AHR: variants seen among roughly 807,000 people sequenced by gnomAD.
AHR encodes aryl hydrocarbon receptor, also known as AH-receptor.
A neutral mutation model predicts 86.8 loss-of-function variants in AHR; 40 were observed. The ratio of observed to expected loss-of-function variants is 0.46; its 90% CI spans 0.36 to 0.60. AHR has a LOEUF of 0.60. Ranked by LOEUF, AHR falls within the 20% of genes least tolerant of loss-of-function variation. The pLI, the probability that AHR is intolerant of heterozygous loss-of-function variation, is 0.00. For missense variants in AHR, 1,001 were observed against 1,011.6 expected (o/e 0.99, Z 0.14); for synonymous variants, 398 against 354.9 (o/e 1.12, Z -1.37).
At chr7:17,328,941 A>G (rs1243923451) in intron 4 of AHR, among the ~76,000 whole-genome samples, 1 of 151,922 alleles carries the variant, frequency 6.6e-6, no homozygotes, top group Non-Finnish European at 1.5e-5. Context: ...TTGCATTCTA[A>G]AGAAAATACA....
intron 1 of AHR, 134 bp from the exon 2 acceptor site, chr7:17,309,802 A>G: frequency 1.3e-5 from 9 of 697,846 alleles, no homozygotes; most frequent in African/African-American, 1.8e-5. Flanking sequence ...TTTTAGAAAG[A>G]CTTACGTAAA....
At position 17,322,711 on chromosome 7, in the gene AHR, T is replaced by C; in HGVS notation, c.360+104T>C. On this transcript the variant is annotated intron_variant, in intron 3 of 10. Coordinates refer to ENST00000242057, the MANE Select transcript of AHR (RefSeq NM_001621.5). ...CCCTGTTTACTTAGGATTTGCTCAA[T>C]GTTTTTTGCCACTTTCATCTGAACT... 3 of 805,234 alleles carry C rather than the reference T, an allele frequency of 3.7e-6. No individual in the cohort carries two copies. The South Asian group carries it at 5.4e-5, about 14-fold the overall frequency. 49.9% of individuals were successfully genotyped at this position (805,234 alleles called of 1,614,324 possible).
chr7:17,339,579 T>C lies in AHR; in HGVS notation c.1754T>C (p.Val585Ala). 1 of 1,614,152 alleles carries C rather than the reference T, an allele frequency of 6.2e-7. No individual in the cohort carries two copies. Among genetic ancestry groups the C allele is most frequent in the South Asian group, 1.1e-5 (1 of 91,084 alleles). ...IDLTDEILTY[V>A]QDSLSKSPFI... ...TTAACGGATGAAATCCTGACGTATG[T>C]CCAAGATTCTTTAAGTAAGTCTCCC... The change falls in exon 10 of 11, where the codon GTC becomes GCC. Residue 585 changes from valine (V) to alanine (A), a missense_variant. By Grantham distance (64) the Val-to-Ala change is moderately conservative. Coordinates refer to ENST00000242057, the MANE Select transcript of AHR (RefSeq NM_001621.5).
At chr7:17,327,933 T>A in intron 4 of AHR, 85 bp downstream of exon 4, 1 of 451,926 alleles carries the variant, frequency 2.2e-6, no homozygotes, top group Non-Finnish European at 3.4e-6. Flanking sequence ...CATTTGTATG[T>A]ATAAAGTATC....
rs1347868515 is a variant in AHR at position 17,330,901 on chromosome 7, T to G, written c.705+15T>G. 3.1e-6 allele frequency: 5 copies of G among 1,609,094 alleles called. No homozygotes were observed. The Admixed American group carries it at 8.4e-5, about 27-fold the overall frequency. ...CTGGTTTTCTGGTAAGGTACAAAAT[T>G]TTATGATACTGGCTTTTACTATTGT... On this transcript the variant is annotated intron_variant, in intron 6 of 10. Transcript: ENST00000242057.
At chr7:17,336,749 T>A (rs1195065044) in intron 9 of AHR, among the ~76,000 whole-genome samples, 1 of 152,156 alleles carries the variant, frequency 6.6e-6, no homozygotes, top group Non-Finnish European at 1.5e-5. Context: ...AGTGCATGGG[T>A]ATGTGTGTAC....
chr7:17,308,502 A>G (rs1438487167), intron 1 of AHR, among the ~76,000 whole-genome samples: 4 of 152,200 alleles, frequency 2.6e-5, no homozygotes, highest in Non-Finnish European at 5.9e-5. Context: ...GAATTACACA[A>G]TGAGGTAGAC....
chr7:17,338,694 A>T lies in AHR; in HGVS notation c.1161-292A>T, dbSNP rs1266011703. Among the ~76,000 whole-genome samples, 6 of 152,180 alleles carry T rather than the reference A, an allele frequency of 3.9e-5. No homozygotes were observed. The South Asian group carries it at 1.2e-3, about 32-fold the overall frequency. On this transcript the variant is annotated intron_variant, in intron 9 of 10. Transcript: ENST00000242057. ...AGTCTGTTTTTATGTGTAGATATTT[A>T]TTCCACACAAATTTATTATTTTTTT...
At chr7:17,321,213 C>T (rs1782168828) in intron 2 of AHR, among the ~76,000 whole-genome samples, 1 of 152,026 alleles carries the variant, frequency 6.6e-6, no homozygotes, top group Non-Finnish European at 1.5e-5. Context: ...AAAGATTATG[C>T]TTTATAACCA....
chr7:17,324,801 G>GA (rs71816868), intron 3 of AHR, among the ~76,000 whole-genome samples: 2,394 of 138,608 alleles, frequency 0.017, 55 homozygotes, highest in Middle Eastern at 0.059. Flanking sequence ...GACTCCATCT[G>GA]AAAAAAAAAA....
chr7:17,318,320 G>A (rs111834612), intron 2 of AHR, among the ~76,000 whole-genome samples: 10 of 152,164 alleles, frequency 6.6e-5, no homozygotes, highest in South Asian at 4.1e-4. Context: ...GGAAAGTACC[G>A]TATTAGGAAA....
Position 17,343,380 on chromosome 7 carries a change from A to G in AHR, c.*316A>G, listed in dbSNP as rs572307999. On this transcript the variant is annotated 3_prime_UTR_variant, in exon 11 of 11. Transcript: ENST00000242057. Reference sequence around the variant, plus strand: ...ATCAGGGAAACTAAGATTCTTTTAAATTAGAAAATATTCTCTATTTGAATT... The same window carrying G: ...ATCAGGGAAACTAAGATTCTTTTAAGTTAGAAAATATTCTCTATTTGAATT... The G allele has an allele frequency of 3.9e-6, 1 of 255,846 alleles. No individual in the cohort carries two copies. Among genetic ancestry groups the G allele is most frequent in the Admixed American group, 5.7e-5 (1 of 17,554 alleles). 15.8% of individuals were successfully genotyped at this position (255,846 alleles called of 1,614,324 possible). A position where few individuals can be genotyped will look rare whatever the true frequency, so the allele number is the denominator to read the frequency against.
intron 10 of AHR, among the ~76,000 whole-genome samples, chr7:17,341,921 G>C (rs1782430512): frequency 6.6e-6 from 1 of 152,036 alleles, no homozygotes. Context: ...TATGAGTAAT[G>C]AGAAAAAATC....
rs756481336 is a variant in AHR at position 17,342,965 on chromosome 7, T to C, written c.2448T>C (p.Asn816=). ...ATGAAACATATCCAGCTGAATTAAA[T>C]AACATAAATAACACTCAGACTACCA... ...VLNETYPAEL[N]NINNTQTTTH... The change falls in exon 11 of 11, where the codon AAT becomes AAC. Residue 816 remains asparagine (N), a synonymous_variant. Coordinates refer to ENST00000242057, the MANE Select transcript of AHR (RefSeq NM_001621.5). The C allele has an allele frequency of 6.2e-7, 1 of 1,613,300 alleles. No homozygotes were observed. Among genetic ancestry groups the C allele is most frequent in the Non-Finnish European group, 8.5e-7 (1 of 1,179,386 alleles).
At position 17,322,551 on chromosome 7, in the gene AHR, A is replaced by G. The variant is rs200324493; in HGVS notation, c.304A>G (p.Arg102Gly). 1.5e-5 allele frequency: 24 copies of G among 1,613,040 alleles called. No individual in the cohort carries two copies. The Admixed American group carries it at 3.3e-4, about 22-fold the overall frequency. Residue 102 changes from arginine (R) to glycine (G), a missense_variant, in exon 3 of 11, where the codon AGA becomes GGA. Transcript: ENST00000242057. ...TERNGGQDNC[R>G]AANFREGLNL... ...AAGAAACGGAGGCCAGGATAACTGT[A>G]GAGCAGCAAATTTCAGAGAAGGCCT... is the stretch of plus-strand genomic sequence containing the variant.
At chr7:17,309,632 G>A (rs1782041998) in intron 1 of AHR, among the ~76,000 whole-genome samples, 1 of 152,048 alleles carries the variant, frequency 6.6e-6, no homozygotes, top group African/African-American at 2.4e-5. Flanking sequence ...CATTTGAGAG[G>A]GGAAAAAAAT....
chr7:17,304,466 C>G (rs1450424705), intron 1 of AHR, among the ~76,000 whole-genome samples: 5 of 152,074 alleles, frequency 3.3e-5, no homozygotes, highest in Non-Finnish European at 7.4e-5. Context: ...TTAGCTGTCA[C>G]TTAGGTTCAT....
Position 17,339,376 on chromosome 7 carries a change from T to G in AHR, c.1551T>G (p.Pro517=). The change falls in exon 10 of 11, where the codon CCT becomes CCG. Residue 517 remains proline, a synonymous_variant. Transcript: ENST00000242057. ...TGAAACATGAGCAAATTGACCAGCCTCAGGATGTGAACTCATTTGCTGGAG... is the reference window on the plus strand; with the variant it reads ...TGAAACATGAGCAAATTGACCAGCCGCAGGATGTGAACTCATTTGCTGGAG... ...TILKHEQIDQ[P]QDVNSFAGGH... 6.2e-7 allele frequency: 1 copy of G among 1,614,242 alleles called. No individual in the cohort carries two copies. Among genetic ancestry groups the G allele is most frequent in the African/African-American group, 1.3e-5 (1 of 75,066 alleles).
At chr7:17,330,147 C>G (rs759487878) in intron 5 of AHR, 72 bp downstream of exon 5, 1 of 1,448,406 alleles carries the variant, frequency 6.9e-7, no homozygotes, top group Non-Finnish European at 9.4e-7. Flanking sequence ...GGCTGGGAAC[C>G]TGTAGGGTCA....
Sources: allele counts gnomAD v4.1 joint callset (sites outside exome capture counted in the v4.1 genomes callset), GRCh38; gene constraint gnomAD v4.1.1; transcripts MANE v1.5; gene names NCBI Gene and HGNC (gene_info 2026-07-23, HGNC 2026-07-21).